S100Z: variants seen among roughly 807,000 people sequenced by gnomAD.
S100Z encodes S100 calcium binding protein Z.
S100Z carries 11 observed loss-of-function variants against 8.5 expected under a neutral mutation model. The ratio of observed to expected loss-of-function variants is 1.30; its 90% CI spans 0.82 to 2.15. S100Z has a LOEUF of 2.15. S100Z is among the 30% of genes most tolerant of loss of function. S100Z has a pLI of 0.00. For missense variants in S100Z, 126 were observed against 117.9 expected, an observed-to-expected ratio of 1.07 and a Z score of -0.32; for synonymous variants, 34 against 43.8, an observed-to-expected ratio of 0.78 and a Z score of 0.89.
intron 1 of S100Z, among the ~76,000 whole-genome samples, chr5:76,857,455 A>T (rs1272501215): frequency 5.3e-5 from 8 of 151,672 alleles, no homozygotes; most frequent in Non-Finnish European, 1.2e-4. Context: ...TTTTGTCAGA[A>T]CTGTCTTGGG....
At position 76,877,712 on chromosome 5, in the gene S100Z, G is replaced by A. The variant is rs750744185; in HGVS notation, c.180G>A (p.Gln60=). 12 of 1,612,312 alleles carry A rather than the reference G, an allele frequency of 7.4e-6. No individual in the cohort carries two copies. The East Asian group carries it at 2.5e-4, about 33-fold the overall frequency. ...CCCAGTTGGTTGATAAGATAGTGCA[G>A]GACCTGGATGCCAATAAGGACAACG... The part of the protein sequence containing the change: ...KETQLVDKIV[Q]DLDANKDNEV... Residue 60 remains glutamine, a synonymous_variant, in exon 4 of 5, where the codon CAG becomes CAA. Transcript: ENST00000317593.
At chr5:76,860,670 T>C (rs1256659558) in intron 1 of S100Z, among the ~76,000 whole-genome samples, 1 of 152,170 alleles carries the variant, frequency 6.6e-6, no homozygotes, top group Non-Finnish European at 1.5e-5. Flanking sequence ...TCAGAAACAA[T>C]GATTTTTGTT....
At chr5:76,857,742 C>T (rs1212070460) in intron 1 of S100Z, among the ~76,000 whole-genome samples, 1 of 152,160 alleles carries the variant, frequency 6.6e-6, no homozygotes, top group African/African-American at 2.4e-5. Flanking sequence ...CTCTAGTGAT[C>T]TGCCTGCCTT....
At chr5:76,851,897 G>A (rs1750738146) in intron 1 of S100Z, among the ~76,000 whole-genome samples, 1 of 152,208 alleles carries the variant, frequency 6.6e-6, no homozygotes, top group South Asian at 2.1e-4. Context: ...ACAGCAGAAA[G>A]CAGAAGTCAC....
At chr5:76,875,746 C>A (rs570089012) in intron 3 of S100Z, among the ~76,000 whole-genome samples, 1 of 152,186 alleles carries the variant, frequency 6.6e-6, no homozygotes, top group African/African-American at 2.4e-5. Context: ...TTTTGACTTT[C>A]ACCAATTAAC....
At chr5:76,942,071 A>G in the S100Z span, among the ~76,000 whole-genome samples, 1 of 151,990 alleles carries the variant, frequency 6.6e-6, no homozygotes, top group African/African-American at 2.4e-5. Flanking sequence ...TTATACCATG[A>G]TATTTAAAAA....
At chr5:76,914,727 C>A (rs1028020836) in intron 4 of S100Z, among the ~76,000 whole-genome samples, 5 of 151,842 alleles carry the variant, frequency 3.3e-5, no homozygotes, top group African/African-American at 1.2e-4. Flanking sequence ...CGAAGGTCTG[C>A]AGCTTCACTC....
At chr5:76,882,786 G>C (rs991793932) in intron 4 of S100Z, among the ~76,000 whole-genome samples, 1 of 152,164 alleles carries the variant, frequency 6.6e-6, no homozygotes, top group Non-Finnish European at 1.5e-5. Context: ...GAGTCTAATG[G>C]GTGTCAGGGT....
chr5:76,867,906 C>G (rs968209853), intron 1 of S100Z, among the ~76,000 whole-genome samples: 5 of 152,132 alleles, frequency 3.3e-5, no homozygotes, highest in African/African-American at 9.7e-5. Flanking sequence ...TAAGCTCCCC[C>G]CAAATCTGAT....
At chr5:76,945,380 T>C in the S100Z span, among the ~76,000 whole-genome samples, 1 of 152,114 alleles carries the variant, frequency 6.6e-6, no homozygotes, top group African/African-American at 2.4e-5. Flanking sequence ...GAAGGGTCTG[T>C]GCTGAGGAGG....
intron 1 of S100Z, among the ~76,000 whole-genome samples, chr5:76,852,052 T>C (rs892087047): frequency 7.0e-6 from 1 of 142,816 alleles, no homozygotes; most frequent in Non-Finnish European, 1.5e-5. Flanking sequence ...TTTCTCACTT[T>C]TTCTTTTAAA....
chr5:76,862,323 T>C (rs575969530), intron 1 of S100Z, among the ~76,000 whole-genome samples: 1 of 152,176 alleles, frequency 6.6e-6, no homozygotes, highest in East Asian at 1.9e-4. Flanking sequence ...GAACAGAAGG[T>C]ATAGCCAGTT....
rs187414952 is a variant in S100Z, at chr5:76,863,808, G to C, written c.-175-6358G>C. On this transcript the variant is annotated intron_variant, in intron 1 of 4. Coordinates refer to ENST00000317593, the MANE Select transcript of S100Z (RefSeq NM_130772.4). ...CCACCTTGGCCTCCCAAAGTACTGG[G>C]ATTACAGGTGTGAGCCACTGCGCCC... is the stretch of plus-strand genomic sequence containing the variant. Among the ~76,000 whole-genome samples, 4 of 152,312 alleles carry C rather than the reference G, an allele frequency of 2.6e-5. No homozygotes were observed. The East Asian group carries it at 5.8e-4, about 22-fold the overall frequency.
chr5:76,926,824 C>T, the S100Z span, among the ~76,000 whole-genome samples: 1 of 152,112 alleles, frequency 6.6e-6, no homozygotes, highest in Non-Finnish European at 1.5e-5. Context: ...AAAGATTCCC[C>T]CTGAAGAGTT....
chr5:76,876,213 G>C (rs953527099), intron 3 of S100Z, among the ~76,000 whole-genome samples: 22 of 152,154 alleles, frequency 1.4e-4, no homozygotes, highest in African/African-American at 5.1e-4. Flanking sequence ...CTTGTGTTAA[G>C]ACTACAGAGA....
At chr5:76,859,505 G>A (rs1258721435) in intron 1 of S100Z, among the ~76,000 whole-genome samples, 3 of 152,080 alleles carry the variant, frequency 2.0e-5, no homozygotes, top group African/African-American at 7.2e-5. Context: ...CCTCGGCCGG[G>A]GGCAGTGGCT....
chr5:76,936,088 T>C, the S100Z span, among the ~76,000 whole-genome samples: 1 of 152,210 alleles, frequency 6.6e-6, no homozygotes, highest in Non-Finnish European at 1.5e-5. Flanking sequence ...AAATAATGAC[T>C]TTTAAATTGT....
chr5:76,902,897 A>AT (rs1278195673), intron 4 of S100Z, among the ~76,000 whole-genome samples: 1 of 152,240 alleles, frequency 6.6e-6, no homozygotes, highest in Admixed American at 6.5e-5. Context: ...TTAAAAATAA[A>AT]TAAGGCGGCT....
At chr5:76,906,989 T>TATATATATATATATATATATATATACAC (rs1744466169) in intron 4 of S100Z, among the ~76,000 whole-genome samples, 1 of 12,912 alleles carries the variant, frequency 7.7e-5, no homozygotes, top group Non-Finnish European at 1.6e-4. Flanking sequence ...TATATATATA[T>TATATATATATATATATATATATATACAC]ATATATATAT....
Sources: gnomAD v4.1 joint callset for allele counts (sites outside exome capture counted in the v4.1 genomes callset) on GRCh38, gnomAD v4.1.1 for gene constraint, MANE v1.5 for transcripts, NCBI Gene and HGNC (gene_info 2026-07-23, HGNC 2026-07-21) for gene names.